The following PLPPR1 variants were observed in gnomAD, a reference collection of about 807,000 sequenced individuals.
PLPPR1 encodes phospholipid phosphatase-related protein type 1.
Under a neutral mutation model 33.1 loss-of-function variants are expected in PLPPR1, and 10 were observed. The ratio of observed to expected loss-of-function variants is 0.30; its 90% confidence interval spans 0.19 to 0.51. PLPPR1 has a LOEUF of 0.51. Ranked by LOEUF, PLPPR1 falls within the 20% of genes least tolerant of loss-of-function variation. The pLI, the probability that PLPPR1 is intolerant of heterozygous loss-of-function variation, is 0.97. For missense variants in PLPPR1, 304 were observed against 408.1 expected, an observed-to-expected ratio of 0.74 and a Z score of 2.20; for synonymous variants, 151 against 151.0, an observed-to-expected ratio of 1.00 and a Z score of 0.00.
chr9:101,175,940 A>C (rs535442940), intron 1 of PLPPR1, among the ~76,000 whole-genome samples: 1 of 152,346 alleles, frequency 6.6e-6, no homozygotes, highest in African/African-American at 2.4e-5. Context: ...AGAAGACTCA[A>C]GAGAGAGAAA....
intron 1 of PLPPR1, among the ~76,000 whole-genome samples, chr9:101,137,449 G>A (rs1831390323): frequency 6.6e-6 from 1 of 152,202 alleles, no homozygotes; most frequent in African/African-American, 2.4e-5. Flanking sequence ...AGAATGTAAA[G>A]TATAGTTAGG....
intron 4 of PLPPR1, among the ~76,000 whole-genome samples, chr9:101,289,381 A>G (rs780731819): frequency 1.3e-5 from 2 of 152,222 alleles, no homozygotes; most frequent in Non-Finnish European, 2.9e-5. Context: ...CGCTTGGAGA[A>G]CAGAAGTTGT....
intron 4 of PLPPR1, among the ~76,000 whole-genome samples, chr9:101,296,421 C>G (rs942912589): frequency 5.9e-5 from 9 of 151,448 alleles, no homozygotes; most frequent in African/African-American, 2.2e-4. Context: ...ACTAGAAATA[C>G]CATTTGATCC....
intron 2 of PLPPR1, among the ~76,000 whole-genome samples, chr9:101,205,343 T>A (rs1826568707): frequency 1.3e-5 from 2 of 152,196 alleles, no homozygotes; most frequent in Non-Finnish European, 1.5e-5. Flanking sequence ...TGGATCTTAT[T>A]TTTTGAGAAA....
rs1051843163 is a variant in PLPPR1, at chr9:101,155,002, C to T, written c.-45-30448C>T. Reference sequence around the variant, plus strand: ...GGGAGGGATAGCATTAGGAGATATACGTAATGTAAATGATGAGTTAATGGG... The same window carrying T: ...GGGAGGGATAGCATTAGGAGATATATGTAATGTAAATGATGAGTTAATGGG... On this transcript the variant is annotated intron_variant, in intron 1 of 7. Coordinates refer to ENST00000374874, the MANE Select transcript of PLPPR1 (RefSeq NM_207299.2). Among the ~76,000 whole-genome samples the T allele has an allele frequency of 5.3e-5, 8 of 150,592 alleles. No individual in the cohort carries two copies. In the South Asian group the frequency reaches 1.1e-3, roughly 20 times the overall value.
intron 1 of PLPPR1, among the ~76,000 whole-genome samples, chr9:101,129,741 G>A (rs532397771): frequency 9.2e-5 from 14 of 152,268 alleles, no homozygotes; most frequent in African/African-American, 2.9e-4. Flanking sequence ...TGAGGCAGGC[G>A]AATGGTGTGA....
chr9:101,034,562 C>G (rs1348693386), intron 1 of PLPPR1, among the ~76,000 whole-genome samples: 1 of 152,178 alleles, frequency 6.6e-6, no homozygotes, highest in Admixed American at 6.5e-5. Flanking sequence ...AATTCTGGCT[C>G]TGCCACTTAT....
intron 1 of PLPPR1, among the ~76,000 whole-genome samples, chr9:101,150,135 A>G (rs1193272316): frequency 1.3e-5 from 2 of 151,796 alleles, no homozygotes; most frequent in African/African-American, 4.8e-5. Context: ...TACTCTTTTT[A>G]TCATCTTCTA....
At position 101,317,418 on chromosome 9, in the gene PLPPR1, C is replaced by G; in HGVS notation, c.867C>G (p.Pro289=). Residue 289 remains proline (P), a synonymous_variant, in exon 7 of 8, where the codon CCC becomes CCG. Transcript: ENST00000374874. Reference sequence around the variant, plus strand: ...GAACGCAAGGATCTCCTTCCAAACCCAAGCCTGAGGATCCCCGTGGAGTAC... The same window carrying G: ...GAACGCAAGGATCTCCTTCCAAACCGAAGCCTGAGGATCCCCGTGGAGTAC... ...FKGTQGSPSK[P]KPEDPRGVPL... 1 of 1,614,060 alleles carries G rather than the reference C, an allele frequency of 6.2e-7. No homozygotes were observed. Among genetic ancestry groups the G allele is most frequent in the South Asian group, 1.1e-5 (1 of 91,082 alleles).
chr9:101,130,915 T>A lies in PLPPR1; in HGVS notation c.-45-54535T>A, dbSNP rs1432476579. On this transcript the variant is annotated intron_variant, in intron 1 of 7. Coordinates refer to ENST00000374874, the MANE Select transcript of PLPPR1 (RefSeq NM_207299.2). ...TTTAAATATGAGCTCAGCCTCTTAC[T>A]ACTTACAGAGGAAGCCCTGGACAGG... Among the ~76,000 whole-genome samples the A allele has an allele frequency of 2.0e-5, 3 of 152,334 alleles. No homozygotes were observed. In the East Asian group the frequency reaches 5.8e-4, roughly 29 times the overall value.
intron 4 of PLPPR1, among the ~76,000 whole-genome samples, chr9:101,300,687 C>T (rs1828735931): frequency 6.6e-6 from 1 of 151,764 alleles, no homozygotes; most frequent in Admixed American, 6.5e-5. Context: ...TTGAAGCCTT[C>T]TAAAAATCCA....
intron 1 of PLPPR1, among the ~76,000 whole-genome samples, chr9:101,102,890 T>C (rs1411459818): frequency 1.4e-5 from 1 of 73,744 alleles, no homozygotes; most frequent in Non-Finnish European, 2.5e-5. Flanking sequence ...ATTTCTCTGA[T>C]GGCCAGTGAT....
At chr9:101,171,607 A>G (rs1275580120) in intron 1 of PLPPR1, among the ~76,000 whole-genome samples, 1 of 152,108 alleles carries the variant, frequency 6.6e-6, no homozygotes, top group African/African-American at 2.4e-5. Flanking sequence ...GCAACTCTCT[A>G]AAAGTGAACA....
chr9:101,215,806 G>GA (rs779918552), intron 2 of PLPPR1, among the ~76,000 whole-genome samples: 5 of 147,942 alleles, frequency 3.4e-5, no homozygotes, highest in Non-Finnish European at 7.5e-5. Context: ...GCATGTTGTT[G>GA]AAAATCACAG....
intron 1 of PLPPR1, among the ~76,000 whole-genome samples, chr9:101,037,508 G>C (rs1445429203): frequency 1.3e-5 from 2 of 152,056 alleles, no homozygotes; most frequent in African/African-American, 4.8e-5. Context: ...CCAACATTTA[G>C]ATTCAATGAA....
At chr9:101,300,471 T>A (rs1828732655) in intron 4 of PLPPR1, among the ~76,000 whole-genome samples, 1 of 152,196 alleles carries the variant, frequency 6.6e-6, no homozygotes, top group South Asian at 2.1e-4. Context: ...ACTATTTAAG[T>A]TATTACATTA....
At chr9:101,177,528 G>T (rs1448298990) in intron 1 of PLPPR1, among the ~76,000 whole-genome samples, 1 of 152,082 alleles carries the variant, frequency 6.6e-6, no homozygotes, top group Non-Finnish European at 1.5e-5. Flanking sequence ...CACCATACTA[G>T]GTTTTACTGA....
chr9:101,313,615 A>G (rs1829001593), intron 6 of PLPPR1, among the ~76,000 whole-genome samples: 1 of 152,022 alleles, frequency 6.6e-6, no homozygotes, highest in Non-Finnish European at 1.5e-5. Flanking sequence ...TGTATTTCTG[A>G]TTATGTTTTA....
At chr9:101,296,617 C>T (rs1053411972) in intron 4 of PLPPR1, among the ~76,000 whole-genome samples, 21 of 152,048 alleles carry the variant, frequency 1.4e-4, no homozygotes, top group Admixed American at 4.6e-4. Flanking sequence ...TACTATGCAG[C>T]CATAAAAAAT....
Sources: gnomAD v4.1 joint callset for allele counts (sites outside exome capture counted in the v4.1 genomes callset) on GRCh38, gnomAD v4.1.1 for gene constraint, MANE v1.5 for transcripts, NCBI Gene and HGNC (gene_info 2026-07-23, HGNC 2026-07-21) for gene names.